Variants in ZNF583 observed in about 807,000 individuals in gnomAD.
The protein encoded by ZNF583 is zinc finger protein 583, also known as zinc finger protein L3-5.
A neutral mutation model predicts 55.3 loss-of-function variants in ZNF583; 30 were observed. The ratio of observed to expected loss-of-function variants is 0.54; its 90% CI spans 0.41 to 0.74. The LOEUF (loss-of-function observed/expected upper bound fraction) is 0.74. Ranked by LOEUF, ZNF583 falls within the 30% of genes least tolerant of loss-of-function variation. The pLI is 0.00. For missense variants in ZNF583, 504 were observed against 664.7 expected, an observed-to-expected ratio of 0.76 and a Z score of 2.66; for synonymous variants, 208 against 220.0, an observed-to-expected ratio of 0.95 and a Z score of 0.48.
intron 4 of ZNF583, among the ~76,000 whole-genome samples, chr19:56,420,659 A>G (rs1321030993): frequency 6.6e-6 from 1 of 152,154 alleles, no homozygotes; most frequent in Non-Finnish European, 1.5e-5. Context: ...ATACGTCTCT[A>G]TCTTTGGTAA....
rs776203941 is a variant in ZNF583, at chr19:56,424,043, A to C, written c.1385A>C (p.Lys462Thr). ...CATCAGAGAAGTCATACTGGAGAAA[A>C]ACCCTATATGTGTAAGGAATGTAGG... Reference protein sequence around the residue: ...AQHQRSHTGEKPYMCKECRKT... With the variant: ...AQHQRSHTGETPYMCKECRKT... The change falls in exon 5 of 5, where the codon AAA becomes ACA. Residue 462 changes from lysine (K) to threonine (T), a missense_variant. Physicochemically the swap from Lys to Thr is moderately conservative, Grantham distance 78 (BLOSUM62 -1). This residue lies in a region of ZNF583 where 237 missense variants were observed against 373.0 expected (regional missense o/e 0.64). Transcript: ENST00000333201. 1.9e-6 allele frequency: 3 copies of C among 1,613,588 alleles called. No homozygotes were observed. The South Asian group carries it at 3.3e-5, about 18-fold the overall frequency.
At chr19:56,422,553 C>T (rs1223095346) in intron 4 of ZNF583, among the ~76,000 whole-genome samples, 1 of 152,058 alleles carries the variant, frequency 6.6e-6, no homozygotes, top group Non-Finnish European at 1.5e-5. Context: ...CATCATAAAA[C>T]TGGCTTATAA....
Position 56,418,856 on chromosome 19 carries a change from T to G in ZNF583, c.233-4035T>G, listed in dbSNP as rs534042477. The stretch of plus-strand genomic sequence containing the variant: ...TCTTAAGGGAAAACGTATTCTGTCT[T>G]TTACTATTAAGTCAGTGTAAGCTGT... On this transcript the variant is annotated intron_variant, in intron 4 of 4. Coordinates refer to ENST00000333201, the MANE Select transcript of ZNF583 (RefSeq NM_152478.3). 2.0e-5 allele frequency among the ~76,000 whole-genome samples: 3 copies of G among 152,344 alleles called. No homozygotes were observed. The South Asian group carries it at 6.2e-4, about 32-fold the overall frequency.
chr19:56,414,723 T>C, intron 4 of ZNF583: 1 of 265,284 alleles, frequency 3.8e-6, no homozygotes, highest in Middle Eastern at 1.2e-3. Flanking sequence ...TGCCTTTTAG[T>C]TTTATACAAG....
intron 2 of ZNF583, 126 bp from the exon 3 acceptor site, chr19:56,413,833 T>C: frequency 7.6e-7 from 1 of 1,311,230 alleles, no homozygotes; most frequent in Non-Finnish European, 1.1e-6. Flanking sequence ...GAACCTAAGA[T>C]ACTGTCAGAA....
intron 2 of ZNF583, among the ~76,000 whole-genome samples, chr19:56,407,416 T>A (rs191988329): frequency 2.0e-5 from 3 of 152,208 alleles, no homozygotes; most frequent in Non-Finnish European, 2.9e-5. Flanking sequence ...TAAACCTTCA[T>A]TGTAGTAAGT....
rs866415329 is a variant in ZNF583 at position 56,404,955 on chromosome 19, T to C, written c.-90+503T>C. ...TGTGTGACCTGTGTGTGTGGGATAA[T>C]GTAAGACTGTGTGACAGTGTGTGTG... On this transcript the variant is annotated intron_variant, in intron 1 of 4. Coordinates refer to ENST00000333201, the MANE Select transcript of ZNF583 (RefSeq NM_152478.3). The surrounding 1 kb of genome is among the most constrained non-coding windows in gnomAD (Gnocchi z 5.2). 7.2e-5 allele frequency among the ~76,000 whole-genome samples: 11 copies of C among 152,224 alleles called. No homozygotes were observed. Among genetic ancestry groups the C allele is most frequent in the Middle Eastern group, 3.4e-3 (1 of 294 alleles).
In ZNF583 at chr19:56,423,156, C is replaced by T. The variant is rs767608380; in HGVS notation, c.498C>T (p.His166=). 2 of 1,612,822 alleles carry T rather than the reference C, an allele frequency of 1.2e-6. No homozygotes were observed. Among genetic ancestry groups the T allele is most frequent in the Admixed American group, 1.7e-5 (1 of 59,848 alleles). Residue 166 remains histidine, a synonymous_variant, in exon 5 of 5, where the codon CAC becomes CAT. Coordinates refer to ENST00000333201, the MANE Select transcript of ZNF583 (RefSeq NM_152478.3). ...ATAACAAATCTTGGCAAACATTCCA[C>T]CAGGATACAATCTTTGATATACAAC... ...KEYNKSWQTF[H]QDTIFDIQQS...
chr19:56,422,036 T>G (rs765108745), intron 4 of ZNF583, among the ~76,000 whole-genome samples: 3 of 152,190 alleles, frequency 2.0e-5, no homozygotes, highest in African/African-American at 7.2e-5. Flanking sequence ...ACAGCAAGTC[T>G]GGTGCTCCTA....
chr19:56,415,659 G>A (rs932844477), intron 4 of ZNF583, among the ~76,000 whole-genome samples: 4 of 152,112 alleles, frequency 2.6e-5, no homozygotes, highest in African/African-American at 4.8e-5. Flanking sequence ...CACCTCCCAG[G>A]TTCAAGCAAT....
chr19:56,407,494 G>A (rs559007192), intron 2 of ZNF583, among the ~76,000 whole-genome samples: 2 of 152,354 alleles, frequency 1.3e-5, no homozygotes, highest in East Asian at 3.9e-4. Flanking sequence ...ATAGACCTAG[G>A]TTTGAAAAGA....
At chr19:56,414,135 A>G (rs1156717544) in intron 3 of ZNF583, 50 bp downstream of exon 3, 1 of 1,550,486 alleles carries the variant, frequency 6.4e-7, no homozygotes, top group South Asian at 1.3e-5. Flanking sequence ...ACTGAGCTCC[A>G]ATGTAATATT....
chr19:56,410,486 G>A (rs1400479284), intron 2 of ZNF583, among the ~76,000 whole-genome samples: 1 of 152,022 alleles, frequency 6.6e-6, no homozygotes, highest in Non-Finnish European at 1.5e-5. Flanking sequence ...GATCATCTGA[G>A]GTCGGGAGTT....
intron 4 of ZNF583, 98 bp downstream of exon 4, chr19:56,414,538 C>T (rs968378800): frequency 3.7e-6 from 4 of 1,085,092 alleles, no homozygotes; most frequent in Non-Finnish European, 5.4e-6. Flanking sequence ...CTGGGTAGCT[C>T]TTCTTAAAGA....
intron 4 of ZNF583, among the ~76,000 whole-genome samples, chr19:56,419,429 C>T (rs1045736822): frequency 3.9e-5 from 6 of 151,974 alleles, no homozygotes; most frequent in Admixed American, 2.0e-4. Flanking sequence ...TTCTTGTCCT[C>T]GTGATCCACC....
chr19:56,417,624 T>C (rs1306982611), intron 4 of ZNF583, among the ~76,000 whole-genome samples: 2 of 152,232 alleles, frequency 1.3e-5, no homozygotes, highest in Non-Finnish European at 2.9e-5. Context: ...CCTTTTTGTT[T>C]TTCTGCTGCC....
At chr19:56,409,110 C>T (rs561067368) in intron 2 of ZNF583, among the ~76,000 whole-genome samples, 8 of 152,274 alleles carry the variant, frequency 5.3e-5, no homozygotes, top group African/African-American at 1.9e-4. Context: ...CTCTTAATCA[C>T]CCTTTACCTT....
At chr19:56,414,139 T>C (rs2042280774) in intron 3 of ZNF583, 54 bp downstream of exon 3, 1 of 1,552,406 alleles carries the variant, frequency 6.4e-7, no homozygotes, top group Non-Finnish European at 8.7e-7. Context: ...AGCTCCAATG[T>C]AATATTTGGG....
Position 56,407,076 on chromosome 19 carries a change from AG to A in ZNF583, c.-37del. 6.2e-7 allele frequency: 1 copy of A among 1,613,088 alleles called. No homozygotes were observed. Among genetic ancestry groups the A allele is most frequent in the Non-Finnish European group, 8.5e-7 (1 of 1,179,164 alleles). ...TCTCCCACAGAGGAGCTGAAGGAGT[AG>A]GACAGAAGAACTGTCAAATTCTGGA... On this transcript the variant is annotated 5_prime_UTR_variant, in exon 2 of 5. Transcript: ENST00000333201.
Sources: gnomAD v4.1 joint callset for allele counts (sites outside exome capture counted in the v4.1 genomes callset) on GRCh38, gnomAD v4.1.1 for gene constraint, gnomAD v4.1.1 regional missense constraint, Gnocchi (gnomAD v3.1) non-coding constraint, MANE v1.5 for transcripts, NCBI Gene and HGNC (gene_info 2026-07-23, HGNC 2026-07-21) for gene names.